SLC10A6: variants seen among roughly 807,000 people sequenced by gnomAD.
SLC10A6 encodes the protein solute carrier family 10 member 6.
In SLC10A6, 27 loss-of-function variants were observed where a neutral mutation model predicts 30.0. The ratio of observed to expected loss-of-function variants is 0.90; its 90% CI spans 0.66 to 1.24. The LOEUF (loss-of-function observed/expected upper bound fraction) is 1.24, where lower values mean the gene tolerates loss of function less well. Ranked by LOEUF, SLC10A6 falls within the 50% of genes most tolerant of loss-of-function variation. The probability of loss-of-function intolerance (pLI) is 0.00; values close to 1 mark genes in which losing one functional copy is unlikely to be tolerated. For synonymous variants in SLC10A6, 166 were observed against 173.8 expected, an observed-to-expected ratio of 0.95 and a Z score of 0.36; for missense variants, 439 against 457.0, an observed-to-expected ratio of 0.96 and a Z score of 0.36.
chr4:86,828,022 C>T lies in SLC10A6; in HGVS notation c.732G>A (p.Leu244=). The T allele has an allele frequency of 6.2e-7, 1 of 1,612,790 alleles. No individual in the cohort carries two copies. Among genetic ancestry groups the T allele is most frequent in the Non-Finnish European group, 8.5e-7 (1 of 1,179,372 alleles). Residue 244 remains leucine, a synonymous_variant, in exon 4 of 6, where the codon CTG becomes CTA. Transcript: ENST00000273905. Reference sequence around the variant, plus strand: ...GCCAAGACTGGTGGGTAAAAAGTGCCAGCAGAAAACCCGTGACATGGCCAA... The same window carrying T: ...GCCAAGACTGGTGGGTAAAAAGTGCTAGCAGAAAACCCGTGACATGGCCAA... The part of the protein sequence containing the change: ...PLIGHVTGFL[L]ALFTHQSWQR...
intron 4 of SLC10A6, among the ~76,000 whole-genome samples, chr4:86,826,780 A>G (rs1311578373): frequency 6.6e-6 from 1 of 152,142 alleles, no homozygotes; most frequent in Non-Finnish European, 1.5e-5. Context: ...TTGAGGGCTG[A>G]GTTAAGCAGT....
At chr4:86,837,638 A>G in intron 1 of SLC10A6, 2 of 985,382 alleles carry the variant, frequency 2.0e-6, no homozygotes, top group Non-Finnish European at 2.4e-6. Flanking sequence ...CCAAATCGCA[A>G]GTTAAGGCTG....
At chr4:86,827,881 C>T (rs1480230658) in intron 4 of SLC10A6, 112 bp downstream of exon 4, 5 of 921,582 alleles carry the variant, frequency 5.4e-6, no homozygotes, top group Non-Finnish European at 7.9e-6. Context: ...CTGTCGATTC[C>T]ACTATGTAAG....
intron 2 of SLC10A6, 115 bp from the exon 3 acceptor site, chr4:86,831,995 C>T (rs1170309746): frequency 2.4e-6 from 2 of 821,054 alleles, no homozygotes; most frequent in Admixed American, 4.2e-5. Flanking sequence ...TTTCCCATGC[C>T]ACTTCCCAAG....
At position 86,823,596 on chromosome 4, in the gene SLC10A6, C is replaced by T; in HGVS notation, c.*92G>A. The T allele has an allele frequency of 1.0e-6, 1 of 964,162 alleles. No homozygotes were observed. Among genetic ancestry groups the T allele is most frequent in the Non-Finnish European group, 1.5e-6 (1 of 654,076 alleles). 59.7% of individuals were successfully genotyped at this position (964,162 alleles called of 1,614,324 possible). On this transcript the variant is annotated 3_prime_UTR_variant, in exon 6 of 6. Coordinates refer to ENST00000273905, the MANE Select transcript of SLC10A6 (RefSeq NM_197965.3). ...AACATTGAACACTTAAATATTCACA[C>T]TGGCCCTACCAACAAGATTCATGTG... is the stretch of plus-strand genomic sequence containing the variant.
At chr4:86,834,793 G>A (rs1746152454) in intron 1 of SLC10A6, among the ~76,000 whole-genome samples, 1 of 152,138 alleles carries the variant, frequency 6.6e-6, no homozygotes, top group Non-Finnish European at 1.5e-5. Context: ...CATGGTTCCA[G>A]CATGTGCTCC....
chr4:86,845,685 C>T (rs1442648067), intron 1 of SLC10A6, among the ~76,000 whole-genome samples: 1 of 152,066 alleles, frequency 6.6e-6, no homozygotes, highest in Non-Finnish European at 1.5e-5. Context: ...GAGGGCCTGA[C>T]CTGAGGAAGT....
chr4:86,831,037 A>G (rs1318223652), intron 3 of SLC10A6, among the ~76,000 whole-genome samples: 5 of 152,304 alleles, frequency 3.3e-5, no homozygotes, highest in Middle Eastern at 3.4e-3. Context: ...CAATGGCATG[A>G]TAATGGCTCA....
chr4:86,825,728 G>A (rs1745984002), intron 4 of SLC10A6, 151 bp from the exon 5 acceptor site: 1 of 861,972 alleles, frequency 1.2e-6, no homozygotes, highest in African/African-American at 1.7e-5. Context: ...TGCCTATTCT[G>A]CAGGTGGTCT....
Position 86,837,275 on chromosome 4 carries a change from GAAAGAA to G in SLC10A6, c.378-3857_378-3852del, listed in dbSNP as rs1167055549. ...AGAAAGAAAGAAAGAAAGAAAGAAA[GAAAGAA>G]AGAAAAAGAAAGGAAGGAAGGAAGG... On this transcript the variant is annotated intron_variant, in intron 1 of 5. Transcript: ENST00000273905. Among the ~76,000 whole-genome samples the G allele has an allele frequency of 3.2e-4, 35 of 109,316 alleles. 2 individuals are homozygous for G. Among genetic ancestry groups the G allele is most frequent in the Middle Eastern group, 4.6e-3 (1 of 216 alleles). 71.7% of individuals were successfully genotyped at this position (109,316 alleles called of 152,430 possible).
At chr4:86,844,450 G>C (rs548081787) in intron 1 of SLC10A6, among the ~76,000 whole-genome samples, 5 of 152,158 alleles carry the variant, frequency 3.3e-5, no homozygotes, top group Admixed American at 6.6e-5. Flanking sequence ...ATGTGACTTG[G>C]AAGTTCAGCC....
chr4:86,837,290 AAAGGAAGG>A (rs70953609), intron 1 of SLC10A6, among the ~76,000 whole-genome samples: 751 of 62,710 alleles, frequency 0.012, 41 homozygotes, highest in African/African-American at 0.025. Flanking sequence ...AAAGAAAAAG[AAAGGAAGG>A]AAGGAAGGAA....
At chr4:86,834,322 T>C (rs1175559524) in intron 1 of SLC10A6, among the ~76,000 whole-genome samples, 2 of 152,158 alleles carry the variant, frequency 1.3e-5, no homozygotes, top group Admixed American at 6.5e-5. Flanking sequence ...ACTTTGCTTC[T>C]TGTGTACAGC....
At chr4:86,843,939 G>C (rs1355058711) in intron 1 of SLC10A6, among the ~76,000 whole-genome samples, 1 of 152,288 alleles carries the variant, frequency 6.6e-6, no homozygotes, top group East Asian at 1.9e-4. Flanking sequence ...AGCACTTTGG[G>C]AGGCTGAGGT....
At chr4:86,845,462 A>G (rs1746377457) in intron 1 of SLC10A6, among the ~76,000 whole-genome samples, 1 of 152,190 alleles carries the variant, frequency 6.6e-6, no homozygotes, top group Non-Finnish European at 1.5e-5. Flanking sequence ...CTTTGTATGT[A>G]TAACATGTTC....
At chr4:86,842,874 C>CTTTTTT (rs1170640534) in intron 1 of SLC10A6, among the ~76,000 whole-genome samples, 1 of 42,790 alleles carries the variant, frequency 2.3e-5, no homozygotes, top group Non-Finnish European at 4.0e-5. Flanking sequence ...TTCTTTCTTT[C>CTTTTTT]TTTTTTTTTT....
At chr4:86,836,045 A>G (rs559094256) in intron 1 of SLC10A6, among the ~76,000 whole-genome samples, 1 of 152,298 alleles carries the variant, frequency 6.6e-6, no homozygotes, top group Admixed American at 6.5e-5. Flanking sequence ...TGGGTTTGTG[A>G]GCCGGACGAA....
chr4:86,824,158 T>TATTCATTCATTCATTCATTCATTC (rs70953605), intron 5 of SLC10A6, among the ~76,000 whole-genome samples: 1 of 151,936 alleles, frequency 6.6e-6, no homozygotes, highest in Non-Finnish European at 1.5e-5. Flanking sequence ...CACACTCATA[T>TATTCATTCATTCATTCATTCATTC]ATTCATTCAT....
chr4:86,829,583 C>T (rs1746047386), intron 3 of SLC10A6, among the ~76,000 whole-genome samples: 1 of 149,716 alleles, frequency 6.7e-6, no homozygotes, highest in Non-Finnish European at 1.5e-5. Context: ...ATGTAACATC[C>T]CCTCTTCCTC....
Sources: allele counts gnomAD v4.1 joint callset (sites outside exome capture counted in the v4.1 genomes callset), GRCh38; gene constraint gnomAD v4.1.1; transcripts MANE v1.5; gene names NCBI Gene and HGNC (gene_info 2026-07-23, HGNC 2026-07-21).